Variants in TTN observed in about 807,000 individuals in gnomAD.
TTN encodes the protein connectin.
A neutral mutation model predicts 3,223.0 loss-of-function variants in TTN; 1,525 were observed. The observed-to-expected ratio is 0.47, with a 90% CI of 0.45 to 0.49. The LOEUF (loss-of-function observed/expected upper bound fraction) is 0.49. Ranked by LOEUF, TTN falls within the 20% of genes least tolerant of loss-of-function variation. TTN has a pLI of 0.00. For missense variants in TTN, 40,786 were observed against 43,424.0 expected (o/e 0.94, Z 5.40); for synonymous variants, 14,094 against 15,161.0 (o/e 0.93, Z 5.17).
In TTN at chr2:178,652,858, A is replaced by C. The variant is rs979855817; in HGVS notation, c.38949T>G (p.Pro12983=). The C allele has an allele frequency of 6.5e-7, 1 of 1,535,590 alleles. No individual in the cohort carries two copies. Among genetic ancestry groups the C allele is most frequent in the Non-Finnish European group, 8.8e-7 (1 of 1,141,070 alleles). The change falls in exon 200 of 363, where the codon CCT becomes CCG. Residue 12983 remains proline, a synonymous_variant. Transcript: ENST00000589042. ...PLAPPKKPEV[P]PVKVPEAPKE... is the part of the protein sequence containing the mutation. ...GCCAGTGACAAATACCTTTAACAGGAGGGACTTCAGGCTTTTTAGGAGGAG... is the reference window on the plus strand; with the variant it reads ...GCCAGTGACAAATACCTTTAACAGGCGGGACTTCAGGCTTTTTAGGAGGAG...
Position 178,601,736 on chromosome 2 carries a change from A to G in TTN, c.55354T>C (p.Ser18452Pro), listed in dbSNP as rs372541479. The G allele has an allele frequency of 3.7e-5, 60 of 1,609,720 alleles. No individual in the cohort carries two copies. In the African/African-American group the frequency reaches 7.1e-4, roughly 19 times the overall value. ...GTGATGCTGTATTTGCCTGTATGAG[A>G]TCGTTTACACTCCGGAATAATAATT... ...SVIIIPECKRSHTGKYSITAK... is the reference protein window; with the variant it reads ...SVIIIPECKRPHTGKYSITAK... Residue 18452 changes from serine to proline, a missense_variant, in exon 286 of 363, where the codon TCT becomes CCT. Transcript: ENST00000589042.
rs369108292 is a variant in TTN at position 178,727,792 on chromosome 2, T to C, written c.19786A>G (p.Ile6596Val). Residue 6596 changes from isoleucine (I) to valine (V), a missense_variant, in exon 68 of 363, where the codon ATA becomes GTA. Physicochemically the swap from Ile to Val is conservative, Grantham distance 29. Transcript: ENST00000589042. Reference protein sequence around the residue: ...IPDSTVEFKAILKGTPPFKIK... With the variant: ...IPDSTVEFKAVLKGTPPFKIK... ...TTAAATGGTGGTGTTCCTTTTAGTA[T>C]TGCCTTAAATTCCACTGTAGAATCA... 7 of 1,612,898 alleles carry C rather than the reference T, an allele frequency of 4.3e-6. No individual in the cohort carries two copies. The African/African-American group carries it at 8.0e-5, about 18-fold the overall frequency.
Position 178,561,559 on chromosome 2 carries a change from A to G in TTN, c.84573T>C (p.Leu28191=), listed in dbSNP as rs763144981. ...DGGSRVIGYH[L]EYKERSSILW... is the part of the protein sequence containing the mutation. Reference sequence around the variant, plus strand: ...GAATGCTGCTTCTTTCTTTATACTCAAGATGATAGCCAATTACTCGACTTC... The same window carrying G: ...GAATGCTGCTTCTTTCTTTATACTCGAGATGATAGCCAATTACTCGACTTC... The change falls in exon 326 of 363, where the codon CTT becomes CTC. Residue 28191 remains leucine, a synonymous_variant. Transcript: ENST00000589042. 3 of 1,613,226 alleles carry G rather than the reference A, an allele frequency of 1.9e-6. No homozygotes were observed. Among genetic ancestry groups the G allele is most frequent in the African/African-American group, 2.7e-5 (2 of 74,900 alleles).
At chr2:178,707,039 G>T in intron 100 of TTN, 85 bp from the exon 101 acceptor site, 1 of 1,257,120 alleles carries the variant, frequency 8.0e-7, no homozygotes, top group Non-Finnish European at 1.1e-6. Context: ...GCCTTAGGAG[G>T]TTGGCAGTTT....
At chr2:178,608,544 T>C (rs935349932) in intron 274 of TTN, 62 bp downstream of exon 274, 4 of 1,566,806 alleles carry the variant, frequency 2.6e-6, no homozygotes, top group Non-Finnish European at 3.4e-6. Context: ...TTAAAAGCTG[T>C]AGTAATTATA....
intron 111 of TTN, 142 bp from the exon 112 acceptor site, chr2:178,699,056 G>A (rs1165392568): frequency 1.1e-6 from 1 of 932,246 alleles, no homozygotes; most frequent in African/African-American, 1.7e-5. Context: ...ATTACTACAA[G>A]ATATTTGTTT....
At chr2:178,623,209 G>A (rs1435702837) in intron 242 of TTN, among the ~76,000 whole-genome samples, 2 of 151,912 alleles carry the variant, frequency 1.3e-5, no homozygotes, top group Admixed American at 1.3e-4. Flanking sequence ...AACACGTGAA[G>A]CACTATGGCC....
At chr2:178,756,140 G>A (rs558490814) in intron 46 of TTN, 82 bp downstream of exon 46, 66 of 1,033,900 alleles carry the variant, frequency 6.4e-5, no homozygotes, top group African/African-American at 4.6e-4. Context: ...TAATATATTC[G>A]TCGATTGAAT....
rs2092546559 is a variant in TTN at position 178,779,219 on chromosome 2, T to C, written c.3963+10A>G. 1 of 1,613,438 alleles carries C rather than the reference T, an allele frequency of 6.2e-7. No individual in the cohort carries two copies. The highest frequency in any genetic ancestry group is 1.3e-5 in the African/African-American group (1 of 75,056). On this transcript the variant is annotated intron_variant, in intron 23 of 362. Transcript: ENST00000589042. ...GTGGCAAGGAGCTATGATAAATGTT[T>C]ATATTTTACCTTTGGTAATGGATAT...
Position 178,713,985 on chromosome 2 carries a change from A to G in TTN, c.26673T>C (p.Asn8891=). The change falls in exon 92 of 363, where the codon AAT becomes AAC. Residue 8891 remains asparagine (N), a synonymous_variant. Coordinates refer to ENST00000589042, the MANE Select transcript of TTN (RefSeq NM_001267550.2). ...FNKVSGLKII[N]VAPSDSGVYS... ...ATACCCCACTGTCACTCGGTGCTAC[A>G]TTGATGATCTTAAGGCCGGATACTT... 2 of 1,613,674 alleles carry G rather than the reference A, an allele frequency of 1.2e-6. No individual in the cohort carries two copies. Among genetic ancestry groups the G allele is most frequent in the Admixed American group, 1.7e-5 (1 of 59,990 alleles).
rs1480580999 is a variant in TTN, at chr2:178,539,106, C to T, written c.98829G>A (p.Lys32943=). The change falls in exon 353 of 363, where the codon AAG becomes AAA. Residue 32943 remains lysine, a synonymous_variant. Transcript: ENST00000589042. ...YIERKETSTD[K]WVRHNKTQIT... is the part of the protein sequence containing the mutation. ...TCTGAGTCTTGTTGTGTCTGACCCA[C>T]TTGTCAGTGGATGTCTCTTTGCGTT... 3 of 1,613,768 alleles carry T rather than the reference C, an allele frequency of 1.9e-6. No individual in the cohort carries two copies. Among genetic ancestry groups the T allele is most frequent in the Admixed American group, 1.7e-5 (1 of 60,006 alleles).
At chr2:178,707,840 G>A (rs554785057) in intron 99 of TTN, 27 bp from the exon 100 acceptor site, 4 of 1,536,788 alleles carry the variant, frequency 2.6e-6, no homozygotes, top group African/African-American at 2.8e-5. Flanking sequence ...ATTTTCATGA[G>A]GAACATAAAG....
intron 299 of TTN, 22 bp from the exon 300 acceptor site, chr2:178,593,105 C>A (rs759909682): frequency 4.3e-6 from 7 of 1,611,090 alleles, no homozygotes; most frequent in Non-Finnish European, 5.9e-6. Context: ...AAGTAAAAAA[C>A]GAATTAGCAT....
Position 178,590,128 on chromosome 2 carries a change from C to T in TTN, c.61597G>A (p.Glu20533Lys), listed in dbSNP as rs970448292. Reference sequence around the variant, plus strand: ...CTAACAGCTTCTTTAATTTGTAACTCAACACGAGGTAGATCCTGAATAAGG... The same window carrying T: ...CTAACAGCTTCTTTAATTTGTAACTTAACACGAGGTAGATCCTGAATAAGG... The part of the protein sequence containing the change: ...VDLIQDLPRV[E>K]LQIKEAVRAD... Residue 20533 changes from glutamate to lysine, a missense_variant, in exon 304 of 363, where the codon GAG becomes AAG. Transcript: ENST00000589042. 1.2e-6 allele frequency: 2 copies of T among 1,613,086 alleles called. No homozygotes were observed. The highest frequency in any genetic ancestry group is 2.7e-5 in the African/African-American group (2 of 74,854).
intron 168 of TTN, among the ~76,000 whole-genome samples, 178 bp downstream of exon 168, chr2:178,664,282 C>G (rs553529460): frequency 4.2e-4 from 64 of 152,034 alleles, no homozygotes; most frequent in Non-Finnish European, 7.2e-4. Context: ...TTTTTGGTAG[C>G]CATTTCTTTG....
Position 178,617,144 on chromosome 2 carries a change from G to A in TTN, c.47851C>T (p.Pro15951Ser). 5 of 1,608,488 alleles carry A rather than the reference G, an allele frequency of 3.1e-6. No homozygotes were observed. The highest frequency in any genetic ancestry group is 1.1e-5 in the South Asian group (1 of 90,246). Residue 15951 changes from proline (P) to serine (S), a missense_variant, in exon 255 of 363, where the codon CCT becomes TCT. Transcript: ENST00000589042. ...CCAAATGCATCGTCAGCGGTGAGAG[G>A]ACCAAGAATTTCAGATGGATCTGAA... ...GVSDPSEILG[P>S]LTADDAFVEP...
In TTN at chr2:178,575,864, T is replaced by C; in HGVS notation, c.70268A>G (p.Lys23423Arg). ...FVMTIENPAG[K>R]KSGFVNVRVL... is the part of the protein sequence containing the mutation. ...TCTGACGTTCACAAAGCCACTTTTCTTCCCAGCCGGGTTTTCAATGGTCAT... is the reference window on the plus strand; with the variant it reads ...TCTGACGTTCACAAAGCCACTTTTCCTCCCAGCCGGGTTTTCAATGGTCAT... The change falls in exon 326 of 363, where the codon AAG becomes AGG. Residue 23423 changes from lysine to arginine, a missense_variant. Physicochemically the swap from Lys to Arg is conservative, Grantham distance 26. Coordinates refer to ENST00000589042, the MANE Select transcript of TTN (RefSeq NM_001267550.2). The surrounding 1 kb of genome is among the most constrained non-coding windows in gnomAD (Gnocchi z 4.0). 1 of 1,613,558 alleles carries C rather than the reference T, an allele frequency of 6.2e-7. No individual in the cohort carries two copies. Among genetic ancestry groups the C allele is most frequent in the Non-Finnish European group, 8.5e-7 (1 of 1,179,594 alleles).
Position 178,543,232 on chromosome 2 carries a change from C to T in TTN, c.96741G>A (p.Glu32247=), listed in dbSNP as rs1385491888. 6.2e-7 allele frequency: 1 copy of T among 1,613,762 alleles called. No individual in the cohort carries two copies. The highest frequency in any genetic ancestry group is 8.5e-7 in the Non-Finnish European group (1 of 1,179,782). The change falls in exon 347 of 363, where the codon GAG becomes GAA. Residue 32247 remains glutamate (E), a synonymous_variant. Transcript: ENST00000589042. The part of the protein sequence containing the change: ...YVLEACKAGT[E]RWMKVVTLKP... ...TTAAGGTGACAACCTTCATCCATCT[C>T]TCTGTGCCAGCTTTGCAGGCCTCGA...
rs1196617572 is a variant in TTN at position 178,647,438 on chromosome 2, G to C, written c.40084C>G (p.Pro13362Ala). 1 of 1,549,532 alleles carries C rather than the reference G, an allele frequency of 6.5e-7. No individual in the cohort carries two copies. The highest frequency in any genetic ancestry group is 2.4e-5 in the East Asian group (1 of 40,858). Reference sequence around the variant, plus strand: ...ATAGGCACAGACACTTCCTTTTCTGGGATGATTTTCTCAGGCACTTTGGGC... The same window carrying C: ...ATAGGCACAGACACTTCCTTTTCTGCGATGATTTTCTCAGGCACTTTGGGC... ...KVPKVPEKII[P>A]EKEVSVPIPA... is the part of the protein sequence containing the mutation. Residue 13362 changes from proline (P) to alanine (A), a missense_variant, in exon 214 of 363, where the codon CCA (proline) becomes GCA (alanine). Physicochemically the swap from Pro to Ala is conservative, Grantham distance 27. Transcript: ENST00000589042.
Sources: allele counts gnomAD v4.1 joint callset (sites outside exome capture counted in the v4.1 genomes callset), GRCh38; gene constraint gnomAD v4.1.1; non-coding constraint Gnocchi (gnomAD v3.1); transcripts MANE v1.5; gene names NCBI Gene and HGNC (gene_info 2026-07-23, HGNC 2026-07-21).